TNFAIP8L1: variants seen among roughly 807,000 people sequenced by gnomAD.
The protein encoded by TNFAIP8L1 is TNF alpha induced protein 8 like 1, also known as tumor necrosis factor alpha-induced protein 8-like protein 1.
For synonymous variants in TNFAIP8L1, 127 were observed against 125.6 expected, an observed-to-expected ratio of 1.01 and a Z score of -0.08; for missense variants, 225 against 266.1, an observed-to-expected ratio of 0.85 and a Z score of 1.08.
At chr19:4,651,217 C>T (rs1035961513) in intron 1 of TNFAIP8L1, among the ~76,000 whole-genome samples, 2 of 151,874 alleles carry the variant, frequency 1.3e-5, no homozygotes, top group Non-Finnish European at 2.9e-5. Flanking sequence ...CCTTGAGCCC[C>T]TTCTCAGCTC....
At position 4,654,832 on chromosome 19, in the gene TNFAIP8L1, T is replaced by C. The variant is rs1278122881; in HGVS notation, c.*2402T>C. The stretch of plus-strand genomic sequence containing the variant: ...AGCAGGGGGCAGGGGTTCTCAAAGA[T>C]TGCAAAATGCTGCTGCAGGTCAGGA... On this transcript the variant is annotated 3_prime_UTR_variant, in exon 2 of 2. Transcript: ENST00000327473. 1 of 152,096 alleles carries C rather than the reference T, an allele frequency of 6.6e-6. No individual in the cohort carries two copies. Among genetic ancestry groups the C allele is most frequent in the Non-Finnish European group, 1.5e-5 (1 of 68,034 alleles). The allele number at this position is 152,096 out of a possible 1,614,324, so 9.4% of individuals were successfully genotyped here. A position where few individuals can be genotyped will look rare whatever the true frequency, so the allele number is the denominator to read the frequency against.
Position 4,651,986 on chromosome 19 carries a change from G to A in TNFAIP8L1, c.117G>A (p.Leu39=). 2 of 1,614,162 alleles carry A rather than the reference G, an allele frequency of 1.2e-6. No homozygotes were observed. The highest frequency in any genetic ancestry group is 1.7e-6 in the Non-Finnish European group (2 of 1,180,026). The change falls in exon 2 of 2, where the codon CTG becomes CTA. Residue 39 remains leucine (L), a synonymous_variant. Coordinates refer to ENST00000327473, the MANE Select transcript of TNFAIP8L1 (RefSeq NM_152362.3). ...TGGATGACACCAGCAGTGAGGTGCTGGATGAGCTGTACCGCGCCACCAGGG... is the reference window on the plus strand; with the variant it reads ...TGGATGACACCAGCAGTGAGGTGCTAGATGAGCTGTACCGCGCCACCAGGG... ...VLVDDTSSEV[L]DELYRATREF... is the part of the protein sequence containing the mutation.
intron 1 of TNFAIP8L1, among the ~76,000 whole-genome samples, chr19:4,650,458 G>T (rs2088351241): frequency 6.6e-6 from 1 of 152,046 alleles, no homozygotes; most frequent in South Asian, 2.1e-4. Flanking sequence ...GCAGGTAAGG[G>T]CTATGCCCTA....
In TNFAIP8L1 at chr19:4,641,739, T is replaced by A. The variant is rs535295087; in HGVS notation, c.-4+2110T>A. ...AGGAGGGGATTACAGGACACAGTAC[T>A]TCTAGAAGCTTCCTAAGGCTTCGAT... On this transcript the variant is annotated intron_variant, in intron 1 of 1. Coordinates refer to ENST00000327473, the MANE Select transcript of TNFAIP8L1 (RefSeq NM_152362.3). The surrounding 1 kb of genome is among the most constrained non-coding windows in gnomAD (Gnocchi z 4.6). The A allele has an allele frequency of 3.3e-5, 5 of 152,326 alleles. No homozygotes were observed. The highest frequency in any genetic ancestry group is 1.2e-4 in the African/African-American group (5 of 41,568). 9.4% of individuals were successfully genotyped at this position (152,326 alleles called of 1,614,324 possible). A position where few individuals can be genotyped will look rare whatever the true frequency, so the allele number is the denominator to read the frequency against.
intron 1 of TNFAIP8L1, among the ~76,000 whole-genome samples, chr19:4,648,664 T>C (rs2088333919): frequency 6.6e-6 from 1 of 152,124 alleles, no homozygotes; most frequent in African/African-American, 2.4e-5. Flanking sequence ...CTGACTCCCG[T>C]CCGGAATCAA....
chr19:4,647,071 C>T (rs963191073), intron 1 of TNFAIP8L1, among the ~76,000 whole-genome samples: 3 of 152,180 alleles, frequency 2.0e-5, no homozygotes, highest in African/African-American at 7.2e-5. Flanking sequence ...AGAGAACATT[C>T]CATTGTTTGG....
chr19:4,646,474 C>G (rs1275000917), intron 1 of TNFAIP8L1, among the ~76,000 whole-genome samples: 2 of 151,780 alleles, frequency 1.3e-5, no homozygotes, highest in African/African-American at 4.8e-5. Context: ...GTTATGTGAC[C>G]ATCATAAATT....
intron 1 of TNFAIP8L1, among the ~76,000 whole-genome samples, chr19:4,643,278 C>CAA (rs758868410): frequency 1.2e-3 from 143 of 123,850 alleles, no homozygotes; most frequent in African/African-American, 3.4e-3. Context: ...GACTCTGTCT[C>CAA]AAAAAAAAAA....
chr19:4,648,717 A>C (rs968739302), intron 1 of TNFAIP8L1, among the ~76,000 whole-genome samples: 23 of 152,316 alleles, frequency 1.5e-4, no homozygotes, highest in Non-Finnish European at 1.5e-4. Flanking sequence ...GTCAAGGCCC[A>C]GCGAGGGGCA....
chr19:4,655,072 C>T lies in TNFAIP8L1; in HGVS notation c.*2642C>T, dbSNP rs1568284445. The T allele has an allele frequency of 6.6e-6, 1 of 152,222 alleles. No homozygotes were observed. The highest frequency in any genetic ancestry group is 2.4e-5 in the African/African-American group (1 of 41,440). 9.4% of individuals were successfully genotyped at this position (152,222 alleles called of 1,614,324 possible). ...ACACACCTGTCTGGATTTGGAGTTT[C>T]TCTTGAAAACTCGCCAGTCCGGCCG... On this transcript the variant is annotated 3_prime_UTR_variant, in exon 2 of 2. Transcript: ENST00000327473.
At chr19:4,651,477 T>C (rs2088363855) in intron 1 of TNFAIP8L1, among the ~76,000 whole-genome samples, 1 of 151,518 alleles carries the variant, frequency 6.6e-6, no homozygotes, top group Non-Finnish European at 1.5e-5. Context: ...AGGCTTGAAT[T>C]ATAGGCTGCA....
chr19:4,643,745 G>C (rs1235182256), intron 1 of TNFAIP8L1, among the ~76,000 whole-genome samples: 1 of 151,808 alleles, frequency 6.6e-6, no homozygotes, highest in Non-Finnish European at 1.5e-5. Flanking sequence ...GACCAGCCTG[G>C]CCAACATGGC....
At chr19:4,649,490 G>A (rs1052091480) in intron 1 of TNFAIP8L1, among the ~76,000 whole-genome samples, 1 of 152,182 alleles carries the variant, frequency 6.6e-6, no homozygotes, top group Non-Finnish European at 1.5e-5. Flanking sequence ...CCAGAGCTGG[G>A]AGCAGGCCCT....
chr19:4,642,497 A>AT (rs1491046883), intron 1 of TNFAIP8L1: 4 of 144,480 alleles, frequency 2.8e-5, no homozygotes, highest in Non-Finnish European at 6.2e-5. Flanking sequence ...AAAAAAAAAA[A>AT]ATTAAAAATA....
chr19:4,649,814 G>T (rs1412810752), intron 1 of TNFAIP8L1, among the ~76,000 whole-genome samples: 1 of 152,262 alleles, frequency 6.6e-6, no homozygotes, highest in Non-Finnish European at 1.5e-5. Context: ...AGGTCGGAGG[G>T]CAGGGGCGGC....
chr19:4,650,411 G>A (rs2145172281), intron 1 of TNFAIP8L1, among the ~76,000 whole-genome samples: 1 of 152,130 alleles, frequency 6.6e-6, no homozygotes, highest in South Asian at 2.1e-4. Context: ...GTGGAGCTTG[G>A]TCCTGGGAGC....
chr19:4,652,197 A>C lies in TNFAIP8L1; in HGVS notation c.328A>C (p.Thr110Pro). The C allele has an allele frequency of 1.3e-6, 2 of 1,545,098 alleles. No homozygotes were observed. Among genetic ancestry groups the C allele is most frequent in the Non-Finnish European group, 1.7e-6 (2 of 1,146,872 alleles). Residue 110 changes from threonine to proline, a missense_variant, in exon 2 of 2, where the codon ACC becomes CCC. Transcript: ENST00000327473. ...CGTCAGCTTCCACCAGGTGGACTTC[A>C]CCTTCGACCGGCGCGTGCTGGCCGC... is the stretch of plus-strand genomic sequence containing the variant. ...TAVSFHQVDF[T>P]FDRRVLAAGL... is the part of the protein sequence containing the mutation.
At chr19:4,647,798 A>AT (rs1568281374) in intron 1 of TNFAIP8L1, among the ~76,000 whole-genome samples, 8 of 151,020 alleles carry the variant, frequency 5.3e-5, no homozygotes, top group East Asian at 3.9e-4. Context: ...AATTAAAAAA[A>AT]ATTTTTTTTT....
rs10526236 is a variant in TNFAIP8L1 at position 4,648,924 on chromosome 19, C to CT, written c.-3-2921dup. Among the ~76,000 whole-genome samples, 1,296 of 132,354 alleles carry CT rather than the reference C, an allele frequency of 9.8e-3. 8 individuals are homozygous for CT. Among genetic ancestry groups the CT allele is most frequent in the Non-Finnish European group, 0.012 (769 of 62,668 alleles). The allele number at this position is 132,354 out of a possible 152,430, so 86.8% of individuals were successfully genotyped here. A position where few individuals can be genotyped will look rare whatever the true frequency, so the allele number is the denominator to read the frequency against. On this transcript the variant is annotated intron_variant, in intron 1 of 1. Coordinates refer to ENST00000327473, the MANE Select transcript of TNFAIP8L1 (RefSeq NM_152362.3). ...TTTCCTCTTAGAATCTGCAAACATC[C>CT]TTTTTTTTTTTTTTTTTTTTTTGAG...
Sources: gnomAD v4.1 joint callset for allele counts (sites outside exome capture counted in the v4.1 genomes callset) on GRCh38, gnomAD v4.1.1 for gene constraint, Gnocchi (gnomAD v3.1) non-coding constraint, MANE v1.5 for transcripts, NCBI Gene and HGNC (gene_info 2026-07-23, HGNC 2026-07-21) for gene names.